Variants in PLEKHA5 observed in about 807,000 individuals in gnomAD.
The protein encoded by PLEKHA5 is pleckstrin homology domain-containing family A member 5.
Under a neutral mutation model 181.9 loss-of-function variants are expected in PLEKHA5, and 55 were observed. The ratio of observed to expected loss-of-function variants is 0.30; its 90% CI spans 0.24 to 0.38. PLEKHA5 has a LOEUF of 0.38. Among genes scored for constraint, PLEKHA5 ranks in the 10% least tolerant of loss-of-function variants. The pLI, the probability that PLEKHA5 is intolerant of heterozygous loss-of-function variation, is 1.00. For missense variants in PLEKHA5, 1,432 were observed against 1,549.5 expected, an observed-to-expected ratio of 0.92 and a Z score of 1.27; for synonymous variants, 535 against 529.4, an observed-to-expected ratio of 1.01 and a Z score of -0.15.
chr12:19,283,342 G>A lies in PLEKHA5; in HGVS notation c.1376G>A (p.Arg459His), dbSNP rs536749296. ...MPSHRAQIMARYPEGYRTLPR... is the reference protein window; with the variant it reads ...MPSHRAQIMAHYPEGYRTLPR... ...AGTCACAGAGCCCAGATTATGGCCC[G>A]CTACCCTGAAGGTTATAGAACACTC... The change falls in exon 12 of 32, where the codon CGC (arginine) becomes CAC (histidine). Residue 459 changes from arginine to histidine, a missense_variant. Arg to His is a conservative substitution (Grantham distance 29). This residue lies in a region of PLEKHA5 where 1,143 missense variants were observed against 1,168.4 expected (regional missense o/e 0.98). Coordinates refer to ENST00000429027, the MANE Select transcript of PLEKHA5 (RefSeq NM_001256470.2). 3.3e-5 allele frequency: 53 copies of A among 1,613,492 alleles called. No homozygotes were observed. The highest frequency in any genetic ancestry group is 1.2e-4 in the Admixed American group (7 of 59,936).
At chr12:19,259,904 A>G (rs2152591594) in intron 6 of PLEKHA5, among the ~76,000 whole-genome samples, 1 of 151,922 alleles carries the variant, frequency 6.6e-6, no homozygotes, top group East Asian at 1.9e-4. Flanking sequence ...CATTACTCAC[A>G]GCTAGAAATA....
rs905879596 is a variant in PLEKHA5 at position 19,155,216 on chromosome 12, T to C, written c.227+22766T>C. 1.3e-5 allele frequency among the ~76,000 whole-genome samples: 2 copies of C among 152,138 alleles called. 1 individual carries two copies. On this transcript the variant is annotated intron_variant, in intron 3 of 31. Coordinates refer to ENST00000429027, the MANE Select transcript of PLEKHA5 (RefSeq NM_001256470.2). ...AAGACCTCACAAGCTCTATGTAAAA[T>C]AAATATGTTTTTATAATATCAACTG...
chr12:19,168,817 A>T (rs919661570), intron 3 of PLEKHA5, among the ~76,000 whole-genome samples: 4 of 152,226 alleles, frequency 2.6e-5, no homozygotes, highest in Non-Finnish European at 2.9e-5. Flanking sequence ...ATAATGGTGA[A>T]ATAATGAGTC....
intron 29 of PLEKHA5, among the ~76,000 whole-genome samples, chr12:19,363,153 G>A (rs537113806): frequency 1.7e-3 from 229 of 135,086 alleles, no homozygotes; most frequent in Non-Finnish European, 2.1e-3. Flanking sequence ...TTTTGTTTTT[G>A]AGACAGAGTC....
At chr12:19,197,676 CTGTGTGTG>C (rs3056412) in intron 3 of PLEKHA5, among the ~76,000 whole-genome samples, 15,534 of 110,822 alleles carry the variant, frequency 0.14, 1,058 homozygotes, top group Non-Finnish European at 0.17. Context: ...CTATCCGGTG[CTGTGTGTG>C]TGTGTGTGTG....
chr12:19,267,892 G>A (rs11044470), intron 8 of PLEKHA5, among the ~76,000 whole-genome samples: 102,661 of 150,944 alleles, frequency 0.68, 37,221 homozygotes, highest in Non-Finnish European at 0.82. Context: ...CCTGGGAGGC[G>A]GAGGTTGCAG....
At chr12:19,347,882 C>CTTTTTTT (rs527719770) in intron 24 of PLEKHA5, among the ~76,000 whole-genome samples, 1 of 119,814 alleles carries the variant, frequency 8.3e-6, no homozygotes, top group African/African-American at 3.2e-5. Flanking sequence ...CAGAAATATT[C>CTTTTTTT]TTTTTTTTTT....
intron 20 of PLEKHA5, among the ~76,000 whole-genome samples, chr12:19,333,221 G>T (rs969548137): frequency 6.6e-6 from 1 of 152,016 alleles, no homozygotes; most frequent in Non-Finnish European, 1.5e-5. Context: ...GGAGGCAGAG[G>T]TTGCGATGAG....
At chr12:19,361,349 A>AT (rs2095235668) in intron 28 of PLEKHA5, among the ~76,000 whole-genome samples, 1 of 151,216 alleles carries the variant, frequency 6.6e-6, no homozygotes, top group Non-Finnish European at 1.5e-5. Flanking sequence ...CACCCCACTA[A>AT]TTTTTTTGTA....
At chr12:19,275,161 G>A (rs1025053789) in intron 11 of PLEKHA5, among the ~76,000 whole-genome samples, 178 bp downstream of exon 11, 5 of 152,112 alleles carry the variant, frequency 3.3e-5, no homozygotes, top group Admixed American at 6.5e-5. Flanking sequence ...TGTCTCTTAT[G>A]TTCTGTCACC....
intron 31 of PLEKHA5, among the ~76,000 whole-genome samples, chr12:19,374,690 C>G (rs1406610513): frequency 6.7e-6 from 1 of 149,712 alleles, no homozygotes; most frequent in African/African-American, 2.5e-5. Context: ...TGCAGTGGCT[C>G]ACACCTGGAA....
chr12:19,305,036 T>C (rs937125282), intron 15 of PLEKHA5, among the ~76,000 whole-genome samples: 2 of 152,102 alleles, frequency 1.3e-5, no homozygotes, highest in East Asian at 3.9e-4. Context: ...TGTGGACACA[T>C]AGAAAGCGAG....
At chr12:19,229,931 A>G (rs1203995431) in intron 3 of PLEKHA5, among the ~76,000 whole-genome samples, 1 of 152,206 alleles carries the variant, frequency 6.6e-6, no homozygotes, top group Non-Finnish European at 1.5e-5. Flanking sequence ...TGAGCTAGAT[A>G]CAGGGTGCTG....
chr12:19,372,423 G>C (rs1319541837), intron 31 of PLEKHA5: 1 of 122,992 alleles, frequency 8.1e-6, no homozygotes, highest in Non-Finnish European at 1.7e-5. Flanking sequence ...TTGCTGATTT[G>C]TTTTGAGTTC....
chr12:19,300,484 T>C (rs2081176354), intron 15 of PLEKHA5, among the ~76,000 whole-genome samples: 1 of 152,234 alleles, frequency 6.6e-6, no homozygotes, highest in Non-Finnish European at 1.5e-5. Context: ...CAGGCTTTGC[T>C]TCTGTCTTAA....
intron 20 of PLEKHA5, among the ~76,000 whole-genome samples, chr12:19,333,560 G>T (rs1002325352): frequency 6.6e-6 from 1 of 150,404 alleles, no homozygotes; most frequent in African/African-American, 2.4e-5. Context: ...CTGCACTCCA[G>T]CCTAGGCAAC....
intron 3 of PLEKHA5, among the ~76,000 whole-genome samples, chr12:19,234,839 G>A (rs1379943201): frequency 6.6e-6 from 1 of 152,096 alleles, no homozygotes; most frequent in East Asian, 1.9e-4. Flanking sequence ...AAATTGATTT[G>A]GGGGTAAGGA....
chr12:19,238,477 G>A (rs1377185011), intron 3 of PLEKHA5, among the ~76,000 whole-genome samples: 2 of 152,054 alleles, frequency 1.3e-5, no homozygotes, highest in African/African-American at 4.8e-5. Context: ...TAATTTAAGA[G>A]CCACAATTTT....
chr12:19,181,281 G>T (rs185104066), intron 3 of PLEKHA5, among the ~76,000 whole-genome samples: 3 of 152,322 alleles, frequency 2.0e-5, no homozygotes, highest in Non-Finnish European at 2.9e-5. Context: ...GGAAAATAAT[G>T]TGATTAAATG....
Sources: gnomAD v4.1 joint callset for allele counts (sites outside exome capture counted in the v4.1 genomes callset) on GRCh38, gnomAD v4.1.1 for gene constraint, gnomAD v4.1.1 regional missense constraint, MANE v1.5 for transcripts, NCBI Gene and HGNC (gene_info 2026-07-23, HGNC 2026-07-21) for gene names.